HS2ST1: variants seen among roughly 807,000 people sequenced by gnomAD.
The protein encoded by HS2ST1 is heparan sulfate 2-O-sulfotransferase 1.
Under a neutral mutation model 42.9 loss-of-function variants are expected in HS2ST1, and 18 were observed. That is an observed-to-expected ratio of 0.42 (90% confidence interval 0.29 to 0.62). The LOEUF is 0.62. Ranked by LOEUF, HS2ST1 falls within the 20% of genes least tolerant of loss-of-function variation. The pLI, the probability that HS2ST1 is intolerant of heterozygous loss-of-function variation, is 0.21. For missense variants in HS2ST1, 334 were observed against 433.8 expected (o/e 0.77, Z 2.04); for synonymous variants, 146 against 152.9 (o/e 0.95, Z 0.33).
chr1:87,031,651 T>C (rs1245410296), intron 1 of HS2ST1, among the ~76,000 whole-genome samples: 2 of 152,242 alleles, frequency 1.3e-5, no homozygotes, highest in Admixed American at 1.3e-4. Flanking sequence ...AAGCTCCTTA[T>C]TTGGTTTCAG....
chr1:86,939,459 C>A (rs1382980933), intron 1 of HS2ST1, among the ~76,000 whole-genome samples: 1 of 152,132 alleles, frequency 6.6e-6, no homozygotes, highest in East Asian at 1.9e-4. Flanking sequence ...ACTACTTAAC[C>A]TTTTTTACTC....
At chr1:86,950,665 C>G (rs940012728) in intron 1 of HS2ST1, among the ~76,000 whole-genome samples, 1 of 152,076 alleles carries the variant, frequency 6.6e-6, no homozygotes, top group South Asian at 2.1e-4. Context: ...AAGTAACATT[C>G]AAATTGTTAA....
chr1:86,997,612 G>A (rs532502745), intron 1 of HS2ST1, among the ~76,000 whole-genome samples: 1 of 152,262 alleles, frequency 6.6e-6, no homozygotes, highest in South Asian at 2.1e-4. Context: ...TCAGGTATTT[G>A]AGATTAAATT....
intron 1 of HS2ST1, among the ~76,000 whole-genome samples, chr1:86,924,220 A>T (rs989003494): frequency 2.0e-5 from 3 of 152,200 alleles, no homozygotes; most frequent in Non-Finnish European, 4.4e-5. Context: ...CTGATGCAAG[A>T]GTTGGGCTCC....
chr1:87,045,962 A>G, intron 1 of HS2ST1: 1 of 719,454 alleles, frequency 1.4e-6, no homozygotes. Flanking sequence ...AGCAACCTCA[A>G]CAGTTTTTGT....
chr1:86,954,217 C>T lies in HS2ST1; in HGVS notation c.124+39057C>T, dbSNP rs188024743. Among the ~76,000 whole-genome samples, 463 of 151,958 alleles carry T rather than the reference C, an allele frequency of 3.0e-3. 1 individual carries two copies. Among genetic ancestry groups the T allele is most frequent in the Middle Eastern group, 0.01 (3 of 294 alleles). On this transcript the variant is annotated intron_variant, in intron 1 of 6. Coordinates refer to ENST00000370550, the MANE Select transcript of HS2ST1 (RefSeq NM_012262.4). ...TACAAAAATCAGCCTGGCGTGGTGG[C>T]ACACACCTGTAGTCCTAGCTACTTG...
At chr1:86,995,016 T>C (rs757445773) in intron 1 of HS2ST1, among the ~76,000 whole-genome samples, 1 of 152,124 alleles carries the variant, frequency 6.6e-6, no homozygotes, top group Non-Finnish European at 1.5e-5. Flanking sequence ...AGGGGTACTG[T>C]ATGTGTCAAA....
intron 1 of HS2ST1, among the ~76,000 whole-genome samples, chr1:87,041,944 T>C (rs1379763308): frequency 2.6e-5 from 4 of 152,220 alleles, no homozygotes; most frequent in Admixed American, 2.0e-4. Flanking sequence ...CTTCAGTTCT[T>C]TTAAAAAATT....
intron 1 of HS2ST1, among the ~76,000 whole-genome samples, chr1:86,962,678 CCAA>C (rs967499771): frequency 1.5e-4 from 23 of 152,084 alleles, no homozygotes; most frequent in African/African-American, 4.3e-4. Flanking sequence ...ATTACAAAAA[CCAA>C]CAACAACAAC....
At chr1:86,950,570 A>G (rs1277699458) in intron 1 of HS2ST1, among the ~76,000 whole-genome samples, 1 of 152,050 alleles carries the variant, frequency 6.6e-6, no homozygotes, top group East Asian at 1.9e-4. Context: ...CTGAGTGATA[A>G]TTTATTCTGA....
intron 1 of HS2ST1, among the ~76,000 whole-genome samples, chr1:86,916,044 A>ACACC (rs1260694943): frequency 6.6e-6 from 1 of 152,224 alleles, no homozygotes; most frequent in African/African-American, 2.4e-5. Flanking sequence ...GAGGGGGTCT[A>ACACC]AAGTACAAAA....
chr1:86,970,793 A>G lies in HS2ST1; in HGVS notation c.124+55633A>G, dbSNP rs1318014081. 2.6e-5 allele frequency among the ~76,000 whole-genome samples: 4 copies of G among 152,336 alleles called. No homozygotes were observed. The South Asian group carries it at 6.2e-4, about 24-fold the overall frequency. On this transcript the variant is annotated intron_variant, in intron 1 of 6. Transcript: ENST00000370550. ...GGCCTTTGTTTATTATTTATGAGAA[A>G]AAATTATAGAAATAATTTAAGGGTG...
intron 2 of HS2ST1, among the ~76,000 whole-genome samples, chr1:87,078,276 T>C (rs892786947): frequency 6.6e-6 from 1 of 152,222 alleles, no homozygotes; most frequent in Non-Finnish European, 1.5e-5. Context: ...AAGACACTAC[T>C]GTTAGTGAGA....
At chr1:87,006,916 C>G (rs1300193259) in intron 1 of HS2ST1, among the ~76,000 whole-genome samples, 1 of 152,090 alleles carries the variant, frequency 6.6e-6, no homozygotes, top group African/African-American at 2.4e-5. Flanking sequence ...CTAGTCCTTT[C>G]ATTATACGGC....
chr1:86,920,992 G>T (rs1297262420), intron 1 of HS2ST1, among the ~76,000 whole-genome samples: 1 of 152,090 alleles, frequency 6.6e-6, no homozygotes, highest in Non-Finnish European at 1.5e-5. Context: ...GTGAGGTAAT[G>T]CATGTTGTCT....
At chr1:87,045,951 C>T (rs879036479) in intron 1 of HS2ST1, 1 of 720,142 alleles carries the variant, frequency 1.4e-6, no homozygotes, top group Non-Finnish European at 2.6e-6. Flanking sequence ...CTATTGATGT[C>T]AGCAACCTCA....
intron 1 of HS2ST1, among the ~76,000 whole-genome samples, chr1:86,939,140 G>A (rs1225179812): frequency 6.6e-6 from 1 of 152,060 alleles, no homozygotes. Context: ...CTCAGATAGC[G>A]ATGAACCATT....
chr1:86,946,463 TCAC>T (rs1647339402), intron 1 of HS2ST1, among the ~76,000 whole-genome samples: 1 of 152,228 alleles, frequency 6.6e-6, no homozygotes, highest in Non-Finnish European at 1.5e-5. Context: ...TATATGTAGA[TCAC>T]CACCATAACA....
intron 1 of HS2ST1, among the ~76,000 whole-genome samples, chr1:87,002,518 C>T (rs1649318555): frequency 6.6e-6 from 1 of 151,332 alleles, no homozygotes. Flanking sequence ...TCACCCAAGC[C>T]TGGGAGGTTG....
Sources: allele counts gnomAD v4.1 joint callset (sites outside exome capture counted in the v4.1 genomes callset), GRCh38; gene constraint gnomAD v4.1.1; transcripts MANE v1.5; gene names NCBI Gene and HGNC (gene_info 2026-07-23, HGNC 2026-07-21).